Variants in PSMG1 observed in about 807,000 individuals in gnomAD.
The protein encoded by PSMG1 is Down syndrome critical region gene 2.
A neutral mutation model predicts 37.2 loss-of-function variants in PSMG1; 23 were observed. The ratio of observed to expected loss-of-function variants is 0.62; its 90% CI spans 0.44 to 0.88. PSMG1 has a LOEUF of 0.88. Ranked by LOEUF, PSMG1 falls within the 40% of genes least tolerant of loss-of-function variation. The probability of loss-of-function intolerance (pLI) is 0.00; values close to 1 mark genes in which losing one functional copy is unlikely to be tolerated. For synonymous variants in PSMG1, 127 were observed against 128.0 expected (o/e 0.99, Z 0.05); for missense variants, 340 against 344.2 (o/e 0.99, Z 0.10).
At chr21:39,179,874 A>AT in intron 4 of PSMG1, 50 bp downstream of exon 4, 1 of 1,514,850 alleles carries the variant, frequency 6.6e-7, no homozygotes, top group Non-Finnish European at 9.0e-7. Flanking sequence ...CCCTTAAAAA[A>AT]TGAAAACTCC....
chr21:39,183,080 T>G, intron 1 of PSMG1, 172 bp downstream of exon 1: 1 of 827,612 alleles, frequency 1.2e-6, no homozygotes, highest in Non-Finnish European at 1.7e-6. Context: ...CTGGCGCCGC[T>G]GGACGCCGCG....
At chr21:39,179,718 CG>C (rs1314110771) in intron 4 of PSMG1, among the ~76,000 whole-genome samples, 1 of 149,706 alleles carries the variant, frequency 6.7e-6, no homozygotes, top group East Asian at 2.1e-4. Flanking sequence ...GCATTGAGGA[CG>C]GGAGGACACA....
Position 39,179,141 on chromosome 21 carries a change from T to C in PSMG1, c.457-494A>G, listed in dbSNP as rs1042741670. Among the ~76,000 whole-genome samples the C allele has an allele frequency of 5.3e-5, 8 of 152,268 alleles. No individual in the cohort carries two copies. In the East Asian group the frequency reaches 1.2e-3, roughly 22 times the overall value. ...GCTCCCCCTTCACCTTCCACCATGA[T>C]TGGAGGCTCCTGAGGCCTCAGCAGA... On this transcript the variant is annotated intron_variant, in intron 4 of 6. Coordinates refer to ENST00000331573, the MANE Select transcript of PSMG1 (RefSeq NM_003720.4).
At chr21:39,183,225 C>T (rs746056410) in intron 1 of PSMG1, 27 bp downstream of exon 1, 1 of 1,543,852 alleles carries the variant, frequency 6.5e-7, no homozygotes, top group South Asian at 1.2e-5. Context: ...CTGCGGTGAG[C>T]GCGCTGCCCT....
Position 39,178,661 on chromosome 21 carries a change from T to G in PSMG1, c.457-14A>C, listed in dbSNP as rs1399461943. ...AGAGCCAAAAACCTAACATAAAATTTATTTCAAATTAAAAAAAACATATAA... is the reference window on the plus strand; with the variant it reads ...AGAGCCAAAAACCTAACATAAAATTGATTTCAAATTAAAAAAAACATATAA... On this transcript the variant is annotated splice_polypyrimidine_tract_variant and intron_variant, in intron 4 of 6. Transcript: ENST00000331573. 1 of 1,597,172 alleles carries G rather than the reference T, an allele frequency of 6.3e-7. No homozygotes were observed. Among genetic ancestry groups the G allele is most frequent in the Admixed American group, 1.7e-5 (1 of 58,526 alleles).
At chr21:39,181,979 T>C (rs1016195308) in intron 1 of PSMG1, 101 bp from the exon 2 acceptor site, 1 of 668,332 alleles carries the variant, frequency 1.5e-6, no homozygotes, top group Non-Finnish European at 2.3e-6. Context: ...AAATGCACGT[T>C]AGTTTTATAA....
rs906452614 is a variant in PSMG1 at position 39,183,167 on chromosome 21, C to T, written c.134+85G>A. 11 of 1,409,048 alleles carry T rather than the reference C, an allele frequency of 7.8e-6. 1 individual carries two copies. The highest frequency in any genetic ancestry group is 1.0e-5 in the Non-Finnish European group (11 of 1,081,514). 87.3% of individuals were successfully genotyped at this position (1,409,048 alleles called of 1,614,324 possible). On this transcript the variant is annotated intron_variant, in intron 1 of 6. Transcript: ENST00000331573. ...GGGGGCCACTCGGAAGACCGCGGAG[C>T]CCCGGCCTTAGGCGCCGTCGCGGCT...
chr21:39,181,369 C>G (rs1167809975), intron 2 of PSMG1, among the ~76,000 whole-genome samples: 1 of 151,906 alleles, frequency 6.6e-6, no homozygotes, highest in Non-Finnish European at 1.5e-5. Flanking sequence ...ATCCTGGCCT[C>G]AAGTGATCCT....
intron 6 of PSMG1, 105 bp from the exon 7 acceptor site, chr21:39,175,769 CA>C: frequency 1.3e-6 from 1 of 767,768 alleles, no homozygotes; most frequent in South Asian, 1.5e-5. Flanking sequence ...GACTTAAAAA[CA>C]GCCATGGGAC....
chr21:39,183,456 C>T (rs1191594991), upstream of PSMG1: 5 of 1,483,994 alleles, frequency 3.4e-6, no homozygotes, highest in Non-Finnish European at 4.5e-6. Context: ...CGAGACCACG[C>T]TCCCTCACCG....
intron 1 of PSMG1, 164 bp downstream of exon 1, chr21:39,183,088 G>A (rs2030923910): frequency 2.3e-6 from 2 of 885,660 alleles, no homozygotes; most frequent in South Asian, 2.1e-5. Context: ...GCTGGACGCC[G>A]CGGCTTCACG....
chr21:39,180,323 C>T lies in PSMG1; in HGVS notation c.355G>A (p.Ala119Thr), dbSNP rs2030780834. 1.9e-6 allele frequency: 3 copies of T among 1,610,066 alleles called. No individual in the cohort carries two copies. The highest frequency in any genetic ancestry group is 1.7e-6 in the Non-Finnish European group (2 of 1,178,370). The change falls in exon 3 of 7, where the codon GCT (alanine) becomes ACT (threonine). Residue 119 changes from alanine to threonine, a missense_variant. Physicochemically the swap from Ala to Thr is moderately conservative, Grantham distance 58. Coordinates refer to ENST00000331573, the MANE Select transcript of PSMG1 (RefSeq NM_003720.4). ...TDTTHLSSTE[A>T]FCVFYHLKSN... The stretch of plus-strand genomic sequence containing the variant: ...TTTAGATGATAAAACACACAAAAAG[C>T]CTCTGTGGAGGACAGATGTGTAGTG...
Position 39,175,661 on chromosome 21 carries a change from T to C in PSMG1, c.796A>G (p.Ile266Val). The C allele has an allele frequency of 6.3e-7, 1 of 1,577,400 alleles. No individual in the cohort carries two copies. The highest frequency in any genetic ancestry group is 1.1e-5 in the South Asian group (1 of 90,260). ...TRSLKGLVKN[I>V]PQSTEILKKL... ...TTTAGTATCTCAGTGCTTTGGGGAA[T>C]ATTCTGAAAGGAGAGAAAAAAGTGA... The change falls in exon 7 of 7, where the codon ATT becomes GTT. Residue 266 changes from isoleucine to valine, a missense_variant. Physicochemically the swap from Ile to Val is conservative, Grantham distance 29. Coordinates refer to ENST00000331573, the MANE Select transcript of PSMG1 (RefSeq NM_003720.4).
chr21:39,177,515 C>T lies in PSMG1; in HGVS notation c.712G>A (p.Asp238Asn). Residue 238 changes from aspartate to asparagine, a missense_variant, in exon 6 of 7, where the codon GAT (aspartate) becomes AAT (asparagine). Asp to Asn is a conservative substitution (Grantham distance 23). Transcript: ENST00000331573. ...IPAILYLCYTDVMKLDLITVE... is the reference protein window; with the variant it reads ...IPAILYLCYTNVMKLDLITVE... ...GTGATTAGGTCTAATTTCATCACAT[C>T]AGTATAACACAAGTACAGAATTGCT... 6.2e-7 allele frequency: 1 copy of T among 1,605,178 alleles called. No homozygotes were observed. Among genetic ancestry groups the T allele is most frequent in the South Asian group, 1.1e-5 (1 of 89,660 alleles).
At chr21:39,176,991 G>A (rs1044140703) in intron 6 of PSMG1, among the ~76,000 whole-genome samples, 3 of 152,010 alleles carry the variant, frequency 2.0e-5, no homozygotes, top group African/African-American at 4.8e-5. Context: ...ATAAACCAAG[G>A]GTAAGGAAGA....
At chr21:39,183,064 C>G (rs1367402898) in intron 1 of PSMG1, 188 bp downstream of exon 1, 1 of 706,046 alleles carries the variant, frequency 1.4e-6, no homozygotes, top group East Asian at 3.4e-5. Context: ...CCACACACAC[C>G]TGGGGCTGGC....
Position 39,177,467 on chromosome 21 carries a change from G to T in PSMG1, c.760C>A (p.Leu254Ile). 6.2e-7 allele frequency: 1 copy of T among 1,604,560 alleles called. No individual in the cohort carries two copies. Among genetic ancestry groups the T allele is most frequent in the Non-Finnish European group, 8.5e-7 (1 of 1,176,606 alleles). The change falls in exon 6 of 7, where the codon CTT becomes ATT. Residue 254 changes from leucine to isoleucine, a missense_variant. Physicochemically the swap from Leu to Ile is conservative, Grantham distance 5. Transcript: ENST00000331573. ...AAACCCTTCAAGCTTCTGGTAGAAA[G>T]TATAGGCTTAAAAGCTTCCACTGTG... ...LITVEAFKPILSTRSLKGLVK... is the reference protein window; with the variant it reads ...LITVEAFKPIISTRSLKGLVK...
At position 39,181,883 on chromosome 21, in the gene PSMG1, C is replaced by T; in HGVS notation, c.135-5G>A. On this transcript the variant is annotated splice_polypyrimidine_tract_variant and splice_region_variant and intron_variant, in intron 1 of 6. Coordinates refer to ENST00000331573, the MANE Select transcript of PSMG1 (RefSeq NM_003720.4). Reference sequence around the variant, plus strand: ...CTTCGAAGGAGCCGCACTTCCCTAACACAAGAAACAAGATGAAACTAAAGC... The same window carrying T: ...CTTCGAAGGAGCCGCACTTCCCTAATACAAGAAACAAGATGAAACTAAAGC... 1 of 1,563,042 alleles carries T rather than the reference C, an allele frequency of 6.4e-7. No homozygotes were observed. Among genetic ancestry groups the T allele is most frequent in the African/African-American group, 1.4e-5 (1 of 72,064 alleles).
Position 39,181,862 on chromosome 21 carries a change from G to A in PSMG1, c.151C>T (p.Arg51Ter), listed in dbSNP as rs781746651. Residue 51 changes from arginine to a stop codon, truncating the protein, a stop_gained, in exon 2 of 7, where the codon CGA becomes TGA. Transcript: ENST00000331573. LOFTEE classifies it high-confidence loss of function. Reference protein sequence around the residue: ...LARKREVRLLRRQTKTSLEVS... With the variant: ...LARKREVRLL Reference sequence around the variant, plus strand: ...TCCAAAGATGTTTTTGTTTGTCTTCGAAGGAGCCGCACTTCCCTAACACAA... The same window carrying A: ...TCCAAAGATGTTTTTGTTTGTCTTCAAAGGAGCCGCACTTCCCTAACACAA... 1.2e-5 allele frequency: 19 copies of A among 1,589,252 alleles called. No homozygotes were observed. The highest frequency in any genetic ancestry group is 1.5e-5 in the Non-Finnish European group (18 of 1,171,334).
Sources: gnomAD v4.1 joint callset for allele counts (sites outside exome capture counted in the v4.1 genomes callset) on GRCh38, gnomAD v4.1.1 for gene constraint, MANE v1.5 for transcripts, NCBI Gene and HGNC (gene_info 2026-07-23, HGNC 2026-07-21) for gene names.